Variants in BRSK1 observed in about 807,000 individuals in gnomAD.
The protein encoded by BRSK1 is BR serine/threonine kinase 1.
Under a neutral mutation model 86.2 loss-of-function variants are expected in BRSK1, and 17 were observed. That is an observed-to-expected ratio of 0.20 (90% confidence interval 0.14 to 0.30). The LOEUF is 0.30. Ranked by LOEUF, BRSK1 falls within the 10% of genes least tolerant of loss-of-function variation. The pLI is 1.00. For missense variants in BRSK1, 719 were observed against 1,071.9 expected, an observed-to-expected ratio of 0.67 and a Z score of 4.60; for synonymous variants, 464 against 440.1, an observed-to-expected ratio of 1.05 and a Z score of -0.68.
intron 1 of BRSK1, 30 bp downstream of exon 1, chr19:55,284,608 CG>C (rs1425857309): frequency 5.3e-6 from 6 of 1,127,108 alleles, no homozygotes; most frequent in East Asian, 5.2e-5. Context: ...ACACCTGGGG[CG>C]GGGGGCAGGG....
In BRSK1 at chr19:55,304,497, A is replaced by G. The variant is rs530735249; in HGVS notation, c.1348-54A>G. 196 of 1,485,492 alleles carry G rather than the reference A, an allele frequency of 1.3e-4. No homozygotes were observed. The African/African-American group carries it at 2.4e-3, about 18-fold the overall frequency. 92.0% of individuals were successfully genotyped at this position (1,485,492 alleles called of 1,614,324 possible). On this transcript the variant is annotated intron_variant, in intron 13 of 18. Transcript: ENST00000309383. This position sits in a 1 kb window ranked among gnomAD's most constrained non-coding sequence, Gnocchi z 5.2. ...GTGTGCGTGTGAGTGGGGCTCCTAGAGCCTCCTGGGAGTTGTAGTCCACTC... is the reference window on the plus strand; with the variant it reads ...GTGTGCGTGTGAGTGGGGCTCCTAGGGCCTCCTGGGAGTTGTAGTCCACTC...
chr19:55,285,209 G>A (rs2088292478), intron 1 of BRSK1, among the ~76,000 whole-genome samples: 1 of 151,452 alleles, frequency 6.6e-6, no homozygotes. Flanking sequence ...CTGGGTCTGA[G>A]GGAGGAGGGG....
At chr19:55,305,252 C>T (rs1406596869) in intron 14 of BRSK1, 69 bp from the exon 15 acceptor site, 5 of 1,584,766 alleles carry the variant, frequency 3.2e-6, no homozygotes, top group African/African-American at 1.4e-5. Context: ...GGGGCGAGTG[C>T]AGGCCTGTGT....
At position 55,284,355 on chromosome 19, in the gene BRSK1, G is replaced by A; in HGVS notation, c.-88G>A. The A allele has an allele frequency of 3.3e-6, 3 of 916,978 alleles. No homozygotes were observed. Among genetic ancestry groups the A allele is most frequent in the Non-Finnish European group, 4.3e-6 (3 of 694,192 alleles). 56.8% of individuals were successfully genotyped at this position (916,978 alleles called of 1,614,324 possible). A position where few individuals can be genotyped will look rare whatever the true frequency, so the allele number is the denominator to read the frequency against. On this transcript the variant is annotated 5_prime_UTR_variant, in exon 1 of 19. Coordinates refer to ENST00000309383, the MANE Select transcript of BRSK1 (RefSeq NM_032430.2). ...GGGGGCAGCCGGGGGGGCCGGGACG[G>A]AGCGGTCGCCGGCCCCCACCGGAGA...
At position 55,302,336 on chromosome 19, in the gene BRSK1, T is replaced by G; in HGVS notation, c.857+168T>G. On this transcript the variant is annotated intron_variant, in intron 9 of 18. Transcript: ENST00000309383. The surrounding 1 kb of genome is among the most constrained non-coding windows in gnomAD (Gnocchi z 6.3). ...AGAGGACACAGCTAGAGAAGGAGTC[T>G]AGGGGTCAGAGGCAGGAGGGGCTAA... is the stretch of plus-strand genomic sequence containing the variant. The G allele has an allele frequency of 1.2e-6, 1 of 811,286 alleles. No individual in the cohort carries two copies. The highest frequency in any genetic ancestry group is 2.1e-6 in the Non-Finnish European group (1 of 478,992). The allele number at this position is 811,286 out of a possible 1,614,324, so 50.3% of individuals were successfully genotyped here.
chr19:55,311,028 T>C (rs1376390245), intron 18 of BRSK1, among the ~76,000 whole-genome samples: 1 of 152,128 alleles, frequency 6.6e-6, no homozygotes, highest in Non-Finnish European at 1.5e-5. Flanking sequence ...TGGCGCGATC[T>C]CAGCTCACTG....
Position 55,306,871 on chromosome 19 carries a change from T to C in BRSK1, c.2089+421T>C, listed in dbSNP as rs1221888878. The stretch of plus-strand genomic sequence containing the variant: ...AGCTCTTCCTATTACTTTAAGATGG[T>C]AGAGCCAAAGGGTGAAGACACAGCA... On this transcript the variant is annotated intron_variant, in intron 17 of 18. Coordinates refer to ENST00000309383, the MANE Select transcript of BRSK1 (RefSeq NM_032430.2). This position sits in a 1 kb window ranked among gnomAD's most constrained non-coding sequence, Gnocchi z 4.7. Among the ~76,000 whole-genome samples the C allele has an allele frequency of 2.6e-5, 4 of 152,126 alleles. No homozygotes were observed. The highest frequency in any genetic ancestry group is 5.9e-5 in the Non-Finnish European group (4 of 68,020).
intron 17 of BRSK1, among the ~76,000 whole-genome samples, chr19:55,307,545 T>G (rs1004257414): frequency 1.3e-5 from 1 of 79,158 alleles, no homozygotes; most frequent in Non-Finnish European, 2.2e-5. Flanking sequence ...CGAGACTCTG[T>G]CTCAAAAAAA....
chr19:55,285,189 G>T (rs563417378), intron 1 of BRSK1, among the ~76,000 whole-genome samples: 1 of 150,824 alleles, frequency 6.6e-6, no homozygotes, highest in South Asian at 2.1e-4. Flanking sequence ...AGGGTCTGGG[G>T]TCTGGACTCC....
chr19:55,311,258 G>A (rs942041476), intron 18 of BRSK1, among the ~76,000 whole-genome samples: 8 of 152,080 alleles, frequency 5.3e-5, no homozygotes, highest in African/African-American at 9.7e-5. Context: ...CACTGCGCCC[G>A]GCCCACTCAG....
At chr19:55,284,609 G>A (rs533206583) in intron 1 of BRSK1, 31 bp downstream of exon 1, 79 of 1,270,060 alleles carry the variant, frequency 6.2e-5, no homozygotes, top group African/African-American at 1.1e-4. Flanking sequence ...CACCTGGGGC[G>A]GGGGGCAGGG....
In BRSK1 at chr19:55,287,317, C is replaced by T. The variant is rs748598426; in HGVS notation, c.317+18C>T. On this transcript the variant is annotated intron_variant, in intron 3 of 18. Transcript: ENST00000309383. This position sits in a 1 kb window ranked among gnomAD's most constrained non-coding sequence, Gnocchi z 5.3. Reference sequence around the variant, plus strand: ...AAATATTTGTAGGTATTTATAGACACCCAGCCCTACCCCATCCTCCCTCTC... The same window carrying T: ...AAATATTTGTAGGTATTTATAGACATCCAGCCCTACCCCATCCTCCCTCTC... 3 of 1,608,354 alleles carry T rather than the reference C, an allele frequency of 1.9e-6. No individual in the cohort carries two copies. Among genetic ancestry groups the T allele is most frequent in the Non-Finnish European group, 2.6e-6 (3 of 1,174,932 alleles).
At position 55,302,674 on chromosome 19, in the gene BRSK1, A is replaced by G. The variant is rs749810972; in HGVS notation, c.858-23A>G. On this transcript the variant is annotated intron_variant, in intron 9 of 18. Coordinates refer to ENST00000309383, the MANE Select transcript of BRSK1 (RefSeq NM_032430.2). This position sits in a 1 kb window ranked among gnomAD's most constrained non-coding sequence, Gnocchi z 6.3. The stretch of plus-strand genomic sequence containing the variant: ...CTGAATCTCAGAAGCCCGGTTCCCA[A>G]TAATGTTTCTCCACTTCCCCAGAGG... 4.8e-5 allele frequency: 77 copies of G among 1,592,850 alleles called. No individual in the cohort carries two copies. Among genetic ancestry groups the G allele is most frequent in the Non-Finnish European group, 6.2e-5 (72 of 1,166,568 alleles).
At chr19:55,300,684 A>C (rs1188423841) in intron 7 of BRSK1, among the ~76,000 whole-genome samples, 1 of 152,140 alleles carries the variant, frequency 6.6e-6, no homozygotes, top group East Asian at 1.9e-4. Context: ...ATTAAAAATA[A>C]AAAAATTAGC....
At position 55,312,105 on chromosome 19, in the gene BRSK1, C is replaced by G; in HGVS notation, c.*37C>G. ...CGGGGAGGGAGGGGACCCCCCTCCA[C>G]CCCCCTTCCGTGCCCCCCAACTGTG... On this transcript the variant is annotated 3_prime_UTR_variant, in exon 19 of 19. Transcript: ENST00000309383. 9.8e-7 allele frequency: 1 copy of G among 1,017,858 alleles called. No individual in the cohort carries two copies. Among genetic ancestry groups the G allele is most frequent in the Non-Finnish European group, 1.4e-6 (1 of 720,504 alleles). 63.1% of individuals were successfully genotyped at this position (1,017,858 alleles called of 1,614,324 possible).
Position 55,303,772 on chromosome 19 carries a change from G to T in BRSK1, c.1232G>T (p.Gly411Val). ...CTGAGCATCACCGATGCCGGGGGTG[G>T]TGGCTCCCCTGTACCCACCCGACGG... is the stretch of plus-strand genomic sequence containing the variant. ...EVLSITDAGG[G>V]GSPVPTRRAL... Residue 411 changes from glycine to valine, a missense_variant, in exon 12 of 19, where the codon GGT becomes GTT. Coordinates refer to ENST00000309383, the MANE Select transcript of BRSK1 (RefSeq NM_032430.2). The surrounding 1 kb of genome is among the most constrained non-coding windows in gnomAD (Gnocchi z 5.1). The T allele has an allele frequency of 6.2e-7, 1 of 1,612,634 alleles. No individual in the cohort carries two copies. Among genetic ancestry groups the T allele is most frequent in the Non-Finnish European group, 8.5e-7 (1 of 1,179,258 alleles).
chr19:55,309,861 A>T (rs939700104), intron 18 of BRSK1, among the ~76,000 whole-genome samples: 2 of 152,212 alleles, frequency 1.3e-5, no homozygotes, highest in African/African-American at 4.8e-5. Flanking sequence ...CAGGGGACAC[A>T]GTGAAACAGG....
Position 55,312,228 on chromosome 19 carries a change from T to G in BRSK1, c.*160T>G. The G allele has an allele frequency of 2.8e-6, 1 of 357,662 alleles. No homozygotes were observed. 22.2% of individuals were successfully genotyped at this position (357,662 alleles called of 1,614,324 possible). On this transcript the variant is annotated 3_prime_UTR_variant, in exon 19 of 19. Coordinates refer to ENST00000309383, the MANE Select transcript of BRSK1 (RefSeq NM_032430.2). ...TGGGGCTCCACAGGCCGTGCCCAAC[T>G]GGGGGTGGTTCTAGGGGAACAGGGG...
chr19:55,301,126 C>CA (rs1255783031), intron 7 of BRSK1, among the ~76,000 whole-genome samples: 1 of 152,200 alleles, frequency 6.6e-6, no homozygotes, highest in Admixed American at 6.5e-5. Flanking sequence ...CTCAGTCGCT[C>CA]GTCATTGTAT....
Sources: gnomAD v4.1 joint callset for allele counts (sites outside exome capture counted in the v4.1 genomes callset) on GRCh38, gnomAD v4.1.1 for gene constraint, Gnocchi (gnomAD v3.1) non-coding constraint, MANE v1.5 for transcripts, NCBI Gene and HGNC (gene_info 2026-07-23, HGNC 2026-07-21) for gene names.